The following GRAMD4 variants were observed in gnomAD, a reference collection of about 807,000 sequenced individuals.
GRAMD4 encodes GRAM domain-containing protein 4.
In GRAMD4, 25 loss-of-function variants were observed where a neutral mutation model predicts 83.9. That is an observed-to-expected ratio of 0.30 (90% CI 0.22 to 0.42). The LOEUF (loss-of-function observed/expected upper bound fraction) is 0.42. Among genes scored for constraint, GRAMD4 ranks in the 10% least tolerant of loss-of-function variants. The probability of loss-of-function intolerance (pLI) is 1.00; values close to 1 mark genes in which losing one functional copy is unlikely to be tolerated. For missense variants in GRAMD4, 593 were observed against 788.7 expected, an observed-to-expected ratio of 0.75 and a Z score of 2.97; for synonymous variants, 336 against 320.9, an observed-to-expected ratio of 1.05 and a Z score of -0.50.
At chr22:46,633,101 C>T (rs956404973) in intron 2 of GRAMD4, among the ~76,000 whole-genome samples, 5 of 152,220 alleles carry the variant, frequency 3.3e-5, no homozygotes, top group Admixed American at 2.6e-4. Flanking sequence ...AGCAGCCCTG[C>T]CCAGGCTGAC....
Position 46,626,833 on chromosome 22 carries a change from G to T in GRAMD4, c.34G>T (p.Gly12Cys). The change falls in exon 2 of 19, where the codon GGT becomes TGT. Residue 12 changes from glycine (G) to cysteine (C), a missense_variant. Gly to Cys is a radical substitution (Grantham distance 159, BLOSUM62 -3). Around this residue, in one of 4 missense-constraint regions of GRAMD4, gnomAD observed 312 missense variants for 350.7 expected, o/e 0.89. Coordinates refer to ENST00000406902, the MANE Select transcript of GRAMD4 (RefSeq NM_015124.5). ...LRRLDKIRFR[G>C]HKRDDFLDLA... is the part of the protein sequence containing the mutation. ...GAGGTTGGACAAAATCAGGTTCAGA[G>T]GTCACAAGAGAGATGACTTCCTCGA... is the stretch of plus-strand genomic sequence containing the variant. 1 of 1,613,904 alleles carries T rather than the reference G, an allele frequency of 6.2e-7. No homozygotes were observed.
In GRAMD4 at chr22:46,630,185, C is replaced by T. The variant is rs531796754; in HGVS notation, c.162+3224C>T. On this transcript the variant is annotated intron_variant, in intron 2 of 18. Coordinates refer to ENST00000406902, the MANE Select transcript of GRAMD4 (RefSeq NM_015124.5). ...GATTACAGGCACACACCACCACGCC[C>T]GGCTAATATTTTGTATTTTTATTAG... 1.5e-3 allele frequency among the ~76,000 whole-genome samples: 234 copies of T among 152,088 alleles called. 1 individual carries two copies. The highest frequency in any genetic ancestry group is 6.5e-3 in the Admixed American group (99 of 15,282).
intron 2 of GRAMD4, among the ~76,000 whole-genome samples, chr22:46,633,813 G>A (rs937754034): frequency 2.0e-5 from 3 of 152,106 alleles, no homozygotes; most frequent in South Asian, 2.1e-4. Context: ...GGTGGGCTCC[G>A]GGGGTCCCGG....
chr22:46,627,006 C>T, intron 2 of GRAMD4, 45 bp downstream of exon 2: 1 of 1,427,118 alleles, frequency 7.0e-7, no homozygotes, highest in African/African-American at 1.4e-5. Context: ...GGGTGTCGTC[C>T]CCGTCCTCTG....
chr22:46,639,313 AC>A (rs1359014535), intron 3 of GRAMD4, among the ~76,000 whole-genome samples: 1 of 149,832 alleles, frequency 6.7e-6, no homozygotes, highest in East Asian at 2.0e-4. Flanking sequence ...GCGGTGGTTA[AC>A]CCTGTGTGTG....
intron 3 of GRAMD4, among the ~76,000 whole-genome samples, chr22:46,655,981 C>T (rs962608060): frequency 6.6e-6 from 1 of 152,054 alleles, no homozygotes; most frequent in Non-Finnish European, 1.5e-5. Context: ...GGAGGCGGGG[C>T]GGGGAGGGGG....
chr22:46,611,012 C>T (rs1438395876), intron 1 of GRAMD4, among the ~76,000 whole-genome samples: 7 of 151,874 alleles, frequency 4.6e-5, no homozygotes, highest in Admixed American at 2.0e-4. Context: ...GTCAGCAGTT[C>T]GAGACCAGCC....
intron 3 of GRAMD4, among the ~76,000 whole-genome samples, chr22:46,652,741 G>A (rs2082184888): frequency 6.6e-6 from 1 of 152,242 alleles, no homozygotes; most frequent in African/African-American, 2.4e-5. Context: ...CTGGACAGGG[G>A]CCGGGGCTGG....
At position 46,664,432 on chromosome 22, in the gene GRAMD4, G is replaced by A. The variant is rs192042360; in HGVS notation, c.717+315G>A. 9.9e-4 allele frequency among the ~76,000 whole-genome samples: 151 copies of A among 152,340 alleles called. 1 individual carries two copies. Among genetic ancestry groups the A allele is most frequent in the Non-Finnish European group, 5.9e-4 (40 of 68,002 alleles). ...CCTCTTGGCACTCACCGTGCAGTGC[G>A]GTGGCCACGCTGCTGAGGTCCACAG... On this transcript the variant is annotated intron_variant, in intron 8 of 18. Coordinates refer to ENST00000406902, the MANE Select transcript of GRAMD4 (RefSeq NM_015124.5).
At chr22:46,578,904 G>T (rs2081070934) in intron 1 of GRAMD4, among the ~76,000 whole-genome samples, 1 of 152,250 alleles carries the variant, frequency 6.6e-6, no homozygotes, top group Admixed American at 6.5e-5. Context: ...TCCTCACCGT[G>T]CTGGGCTCAC....
chr22:46,603,737 C>G (rs909783312), intron 1 of GRAMD4, among the ~76,000 whole-genome samples: 4 of 151,502 alleles, frequency 2.6e-5, no homozygotes, highest in African/African-American at 9.7e-5. Flanking sequence ...AGGATGGTCT[C>G]GATCTCCTGA....
intron 17 of GRAMD4, among the ~76,000 whole-genome samples, chr22:46,676,338 G>A (rs890471272): frequency 2.0e-5 from 3 of 152,226 alleles, no homozygotes; most frequent in Non-Finnish European, 4.4e-5. Flanking sequence ...GCCTCCTCAG[G>A]CCGGCTTGTC....
intron 2 of GRAMD4, among the ~76,000 whole-genome samples, 171 bp from the exon 3 acceptor site, chr22:46,637,669 C>T (rs1012172227): frequency 3.3e-5 from 5 of 152,204 alleles, no homozygotes; most frequent in African/African-American, 1.2e-4. Flanking sequence ...GGGGCTCCGT[C>T]GCCCCATCTG....
chr22:46,646,319 C>T (rs1429968879), intron 3 of GRAMD4, among the ~76,000 whole-genome samples: 1 of 152,174 alleles, frequency 6.6e-6, no homozygotes, highest in Non-Finnish European at 1.5e-5. Flanking sequence ...CCCAGAAGCT[C>T]CCTTTCCTGC....
intron 3 of GRAMD4, among the ~76,000 whole-genome samples, chr22:46,646,382 C>T (rs796488470): frequency 6.6e-5 from 10 of 152,308 alleles, no homozygotes; most frequent in African/African-American, 2.2e-4. Flanking sequence ...GAGATCTTCT[C>T]GAAGAAGCTG....
chr22:46,638,671 G>A (rs2081927411), intron 3 of GRAMD4, among the ~76,000 whole-genome samples: 1 of 152,218 alleles, frequency 6.6e-6, no homozygotes, highest in South Asian at 2.1e-4. Context: ...ACAGTGCCAG[G>A]CAGATGAGTC....
intron 1 of GRAMD4, among the ~76,000 whole-genome samples, chr22:46,577,828 AT>A (rs1569241296): frequency 6.6e-6 from 1 of 152,176 alleles, no homozygotes; most frequent in East Asian, 1.9e-4. Context: ...TGTTGAGCTC[AT>A]GGGGCTCTGC....
At chr22:46,681,273 C>A (rs78198847), downstream of GRAMD4, among the ~76,000 whole-genome samples, 465 of 152,250 alleles carry the variant, frequency 3.1e-3, 2 homozygotes, top group African/African-American at 0.01. Context: ...CTCAAAAAGG[C>A]CAACCTTGTG....
chr22:46,670,795 G>A (rs1000885892), intron 13 of GRAMD4, among the ~76,000 whole-genome samples: 2 of 152,060 alleles, frequency 1.3e-5, no homozygotes, highest in African/African-American at 2.4e-5. Context: ...TAATAGAGAC[G>A]AGGTTTCACC....
Sources: gnomAD v4.1 joint callset for allele counts (sites outside exome capture counted in the v4.1 genomes callset) on GRCh38, gnomAD v4.1.1 for gene constraint, gnomAD v4.1.1 regional missense constraint, MANE v1.5 for transcripts, NCBI Gene and HGNC (gene_info 2026-07-23, HGNC 2026-07-21) for gene names.